Variants in GPC5 observed in about 807,000 individuals in gnomAD.
GPC5 encodes the protein glypican-5.
A neutral mutation model predicts 53.9 loss-of-function variants in GPC5; 47 were observed. That is an observed-to-expected ratio of 0.87 (90% CI 0.69 to 1.11). GPC5 has a LOEUF of 1.11. Ranked by LOEUF, GPC5 falls within the 50% of genes most tolerant of loss-of-function variation. The pLI is 0.00. For missense variants in GPC5, 748 were observed against 713.1 expected, an observed-to-expected ratio of 1.05 and a Z score of -0.56; for synonymous variants, 286 against 263.3, an observed-to-expected ratio of 1.09 and a Z score of -0.84.
At chr13:92,783,834 A>G (rs1401598907) in intron 7 of GPC5, among the ~76,000 whole-genome samples, 2 of 152,172 alleles carry the variant, frequency 1.3e-5, no homozygotes, top group East Asian at 1.9e-4. Context: ...AAGGGAAACA[A>G]TGAACTCAGA....
At chr13:91,477,472 G>C (rs1031537181) in intron 2 of GPC5, among the ~76,000 whole-genome samples, 1 of 152,146 alleles carries the variant, frequency 6.6e-6, no homozygotes, top group Admixed American at 6.5e-5. Context: ...TTTGACAGTG[G>C]TATGAATGAA....
intron 7 of GPC5, among the ~76,000 whole-genome samples, chr13:92,572,999 A>G (rs1374087276): frequency 6.6e-6 from 1 of 152,260 alleles, no homozygotes; most frequent in Non-Finnish European, 1.5e-5. Flanking sequence ...ATAAAAAATA[A>G]TAAATTGGCT....
intron 2 of GPC5, among the ~76,000 whole-genome samples, chr13:91,521,298 T>C (rs997804695): frequency 1.3e-5 from 2 of 152,238 alleles, no homozygotes; most frequent in African/African-American, 2.4e-5. Context: ...GTGGGGCTTC[T>C]CTGCTTTTCA....
intron 2 of GPC5, among the ~76,000 whole-genome samples, chr13:91,557,823 A>G (rs146997407): frequency 4.3e-4 from 66 of 152,240 alleles, no homozygotes; most frequent in African/African-American, 1.6e-3. Flanking sequence ...CTGCCTTCAA[A>G]TAAATACCTT....
At chr13:92,501,313 T>A (rs933378845) in intron 7 of GPC5, among the ~76,000 whole-genome samples, 1 of 151,750 alleles carries the variant, frequency 6.6e-6, no homozygotes, top group Non-Finnish European at 1.5e-5. Context: ...CTGAAAAAAA[T>A]TACTGGATAG....
chr13:91,568,663 A>G (rs2031645925), intron 2 of GPC5, among the ~76,000 whole-genome samples: 2 of 151,966 alleles, frequency 1.3e-5, no homozygotes, highest in African/African-American at 4.8e-5. Context: ...AGGTTTGTTA[A>G]TGATCAATAT....
chr13:91,968,164 T>C (rs930772637), intron 6 of GPC5, among the ~76,000 whole-genome samples: 2 of 152,160 alleles, frequency 1.3e-5, no homozygotes, highest in Admixed American at 6.5e-5. Flanking sequence ...TTTAATTACA[T>C]TCTTGATTTC....
chr13:92,377,905 T>A (rs1019399511), intron 7 of GPC5, among the ~76,000 whole-genome samples: 3 of 152,198 alleles, frequency 2.0e-5, no homozygotes, highest in African/African-American at 7.2e-5. Flanking sequence ...AAATTAGGTA[T>A]AAAATAGTTT....
rs1882148887 is a variant in GPC5 at position 92,547,231 on chromosome 13, A to T, written c.1562-319051A>T. Among the ~76,000 whole-genome samples, 9 of 152,186 alleles carry T rather than the reference A, an allele frequency of 5.9e-5. No homozygotes were observed. The South Asian group carries it at 1.9e-3, about 31-fold the overall frequency. On this transcript the variant is annotated intron_variant, in intron 7 of 7. Transcript: ENST00000377067. ...GTGAAAATGAATTTTAGTTCTTTTTAAAAAAGAGAATTGAAAAATATGGCC... is the reference window on the plus strand; with the variant it reads ...GTGAAAATGAATTTTAGTTCTTTTTTAAAAAGAGAATTGAAAAATATGGCC...
intron 7 of GPC5, among the ~76,000 whole-genome samples, chr13:92,705,163 C>T (rs1887907980): frequency 6.6e-6 from 1 of 151,920 alleles, no homozygotes; most frequent in African/African-American, 2.4e-5. Flanking sequence ...CAACAAGCTC[C>T]ACCTAATAAT....
At chr13:91,961,354 T>C (rs1047857943) in intron 6 of GPC5, among the ~76,000 whole-genome samples, 42 of 151,860 alleles carry the variant, frequency 2.8e-4, no homozygotes, top group Non-Finnish European at 1.5e-4. Context: ...GATAGACAAA[T>C]AGAATGATGG....
At chr13:91,438,817 G>C (rs1880191904) in intron 1 of GPC5, among the ~76,000 whole-genome samples, 2 of 152,230 alleles carry the variant, frequency 1.3e-5, no homozygotes, top group African/African-American at 2.4e-5. Context: ...CCCAGTTCGA[G>C]CTTCCCAGGC....
At chr13:92,353,362 A>G (rs1053756710) in intron 7 of GPC5, among the ~76,000 whole-genome samples, 7 of 152,046 alleles carry the variant, frequency 4.6e-5, no homozygotes, top group African/African-American at 1.7e-4. Context: ...AAAGAAATAT[A>G]ATGGTACACA....
intron 7 of GPC5, among the ~76,000 whole-genome samples, chr13:92,161,046 T>C (rs1253021564): frequency 3.3e-5 from 5 of 152,088 alleles, no homozygotes; most frequent in Non-Finnish European, 2.9e-5. Flanking sequence ...AGTGTTTTTT[T>C]TTTTTTTTTA....
intron 6 of GPC5, among the ~76,000 whole-genome samples, chr13:92,065,044 A>G (rs1326387459): frequency 1.3e-5 from 2 of 152,188 alleles, no homozygotes; most frequent in Non-Finnish European, 2.9e-5. Context: ...TAATGCAGAA[A>G]GAAGCTCTCA....
chr13:92,357,025 T>C (rs1470663872), intron 7 of GPC5, among the ~76,000 whole-genome samples: 2 of 148,144 alleles, frequency 1.4e-5, no homozygotes, highest in Non-Finnish European at 2.9e-5. Context: ...ACTCCATCCA[T>C]GTTCCTGCAA....
intron 1 of GPC5, among the ~76,000 whole-genome samples, chr13:91,432,019 A>G (rs1436890849): frequency 6.6e-6 from 1 of 152,152 alleles, no homozygotes; most frequent in African/African-American, 2.4e-5. Flanking sequence ...GAGCTGTGCC[A>G]TGTGGGTATG....
At chr13:91,760,549 G>A (rs2037388558) in intron 5 of GPC5, among the ~76,000 whole-genome samples, 1 of 152,138 alleles carries the variant, frequency 6.6e-6, no homozygotes, top group Non-Finnish European at 1.5e-5. Flanking sequence ...GAGGAGTTAA[G>A]CCAAACACAT....
At chr13:91,478,822 T>TATATATATATACAC (rs1323023652) in intron 2 of GPC5, among the ~76,000 whole-genome samples, 15 of 92,158 alleles carry the variant, frequency 1.6e-4, no homozygotes, top group African/African-American at 6.2e-4. Flanking sequence ...TATATATATA[T>TATATATATATACAC]ACACACACAC....
Sources: allele counts gnomAD v4.1 joint callset (sites outside exome capture counted in the v4.1 genomes callset), GRCh38; gene constraint gnomAD v4.1.1; transcripts MANE v1.5; gene names NCBI Gene and HGNC (gene_info 2026-07-23, HGNC 2026-07-21).